UBR1: variants seen among roughly 807,000 people sequenced by gnomAD.
UBR1 encodes the protein ubiquitin protein ligase E3 component n-recognin 1, also known as E3 ubiquitin-protein ligase UBR1.
A neutral mutation model predicts 242.1 loss-of-function variants in UBR1; 102 were observed. That is an observed-to-expected ratio of 0.42 (90% CI 0.36 to 0.50). The LOEUF is 0.50. UBR1 is among the 20% of genes least tolerant of loss of function. The pLI, the probability that UBR1 is intolerant of heterozygous loss-of-function variation, is 0.01. For missense variants in UBR1, 1,772 were observed against 2,101.8 expected, an observed-to-expected ratio of 0.84 and a Z score of 3.07; for synonymous variants, 675 against 684.8, an observed-to-expected ratio of 0.99 and a Z score of 0.22.
intron 14 of UBR1, among the ~76,000 whole-genome samples, chr15:43,045,911 G>T (rs1349413538): frequency 6.6e-6 from 1 of 152,206 alleles, no homozygotes; most frequent in African/African-American, 2.4e-5. Context: ...AAAGTTTCAA[G>T]ATGGTTAAAG....
chr15:43,056,890 G>C (rs908485904), intron 10 of UBR1, among the ~76,000 whole-genome samples: 1 of 152,166 alleles, frequency 6.6e-6, no homozygotes, highest in Non-Finnish European at 1.5e-5. Flanking sequence ...GCCTTAAACA[G>C]AATGGATGCT....
chr15:43,071,634 TA>T lies in UBR1; in HGVS notation c.529-710del, dbSNP rs1236466508. 2.6e-5 allele frequency among the ~76,000 whole-genome samples: 4 copies of T among 151,062 alleles called. No homozygotes were observed. In the East Asian group the frequency reaches 5.8e-4, roughly 22 times the overall value. ...TAAATTAATGTCATATGCTTAACCA[TA>T]AAAAAAAAGATAAGGAACCCATCTA... On this transcript the variant is annotated intron_variant, in intron 4 of 46. Transcript: ENST00000290650.
chr15:42,996,611 C>A (rs2032643820), intron 33 of UBR1, among the ~76,000 whole-genome samples: 1 of 151,946 alleles, frequency 6.6e-6, no homozygotes, highest in African/African-American at 2.4e-5. Context: ...ACAAACCCCC[C>A]CAACAAAACA....
intron 33 of UBR1, among the ~76,000 whole-genome samples, chr15:42,991,703 A>T (rs971869049): frequency 6.6e-6 from 1 of 151,782 alleles, no homozygotes; most frequent in African/African-American, 2.4e-5. Context: ...CACTGACCTA[A>T]TTTCACATTC....
intron 5 of UBR1, 51 bp downstream of exon 5, chr15:43,070,743 GC>G (rs1326471113): frequency 3.7e-6 from 6 of 1,606,230 alleles, no homozygotes; most frequent in Non-Finnish European, 5.1e-6. Flanking sequence ...CACACATTTT[GC>G]AATACAAATA....
intron 1 of UBR1, among the ~76,000 whole-genome samples, chr15:43,105,379 T>C (rs2034284088): frequency 6.6e-6 from 1 of 152,188 alleles, no homozygotes; most frequent in Non-Finnish European, 1.5e-5. Flanking sequence ...CTTGAAATGT[T>C]TGGGAGTCCT....
intron 29 of UBR1, among the ~76,000 whole-genome samples, chr15:43,013,817 G>C (rs1314539286): frequency 6.6e-6 from 1 of 152,184 alleles, no homozygotes; most frequent in African/African-American, 2.4e-5. Flanking sequence ...AAAATTTAAA[G>C]TGACTATTTA....
chr15:43,064,565 C>G lies in UBR1; in HGVS notation c.798+3333G>C, dbSNP rs143337519. Among the ~76,000 whole-genome samples, 688 of 151,642 alleles carry G rather than the reference C, an allele frequency of 4.5e-3. 7 individuals carry two copies. The highest frequency in any genetic ancestry group is 0.016 in the African/African-American group (661 of 41,416). On this transcript the variant is annotated intron_variant, in intron 6 of 46. Coordinates refer to ENST00000290650, the MANE Select transcript of UBR1 (RefSeq NM_174916.3). ...CAATTTCACTTGTTTTTCACTATTTCCTATCTTACATCTTTTTTTTTTTTT... is the reference window on the plus strand; with the variant it reads ...CAATTTCACTTGTTTTTCACTATTTGCTATCTTACATCTTTTTTTTTTTTT...
chr15:43,050,461 G>A (rs1434746459), intron 12 of UBR1, among the ~76,000 whole-genome samples: 1 of 152,180 alleles, frequency 6.6e-6, no homozygotes, highest in African/African-American at 2.4e-5. Flanking sequence ...TGTAATCCCA[G>A]CACTTTAAGA....
At chr15:43,076,929 C>A (rs1444484450) in intron 3 of UBR1, among the ~76,000 whole-genome samples, 1 of 104,422 alleles carries the variant, frequency 9.6e-6, no homozygotes, top group East Asian at 3.1e-4. Context: ...CCCGGCCAGC[C>A]GCCCTATCCA....
chr15:43,032,543 T>G (rs369780691), intron 20 of UBR1, 25 bp downstream of exon 20: 4 of 1,487,526 alleles, frequency 2.7e-6, no homozygotes, highest in East Asian at 4.6e-5. Context: ...ATGTTCTATT[T>G]CAAAACATTG....
chr15:43,033,193 T>C (rs1279583593), intron 19 of UBR1, among the ~76,000 whole-genome samples: 1 of 151,994 alleles, frequency 6.6e-6, no homozygotes, highest in Non-Finnish European at 1.5e-5. Context: ...ATCCCAGAGT[T>C]CTTTAATTCT....
chr15:42,946,283 C>G (rs1046374716), intron 46 of UBR1, among the ~76,000 whole-genome samples: 5 of 152,100 alleles, frequency 3.3e-5, no homozygotes, highest in African/African-American at 1.2e-4. Flanking sequence ...CGCCACGATA[C>G]CTGGCTAATT....
intron 44 of UBR1, among the ~76,000 whole-genome samples, chr15:42,956,127 T>G (rs2031916245): frequency 6.6e-6 from 1 of 152,176 alleles, no homozygotes; most frequent in Non-Finnish European, 1.5e-5. Context: ...AGCTTGAACC[T>G]GAGTCACGAT....
chr15:43,072,447 G>A (rs774984566), intron 4 of UBR1, among the ~76,000 whole-genome samples: 1 of 152,194 alleles, frequency 6.6e-6, no homozygotes. Flanking sequence ...ACAGACTGGT[G>A]TCTACAAAAT....
At chr15:42,974,038 G>A (rs2032249694) in intron 39 of UBR1, among the ~76,000 whole-genome samples, 3 of 151,622 alleles carry the variant, frequency 2.0e-5, no homozygotes, top group Admixed American at 6.6e-5. Context: ...ACAGGCACCC[G>A]CCACCACGCC....
rs2032743320 is a variant in UBR1 at position 43,002,629 on chromosome 15, A to AAG, written c.3584_3585insCT (p.Leu1196PhefsTer13). 1 of 1,614,078 alleles carries AAG rather than the reference A, an allele frequency of 6.2e-7. No homozygotes were observed. The highest frequency in any genetic ancestry group is 1.3e-5 in the African/African-American group (1 of 74,912). ...ACAGAGATTTGCAAAGAGGGCAAAG[A>AAG]TATTCTCCACTTTCCAAGTCAAAAA... On this transcript the variant is annotated frameshift_variant, in exon 32 of 47. Coordinates refer to ENST00000290650, the MANE Select transcript of UBR1 (RefSeq NM_174916.3). LOFTEE classifies it high-confidence loss of function.
rs985923410 is a variant in UBR1 at position 43,033,660 on chromosome 15, GA to G, written c.2191-1030del. 9.3e-5 allele frequency among the ~76,000 whole-genome samples: 14 copies of G among 150,260 alleles called. 1 individual carries two copies. Among genetic ancestry groups the G allele is most frequent in the Middle Eastern group, 3.4e-3 (1 of 294 alleles). On this transcript the variant is annotated intron_variant, in intron 19 of 46. Transcript: ENST00000290650. ...CAGAGCGAGACTTCGTCTCAAAAAG[GA>G]AAAAAAAATTTATATATTTATTTAT...
chr15:43,040,688 C>CT (rs2033406392), intron 15 of UBR1, among the ~76,000 whole-genome samples: 1 of 152,154 alleles, frequency 6.6e-6, no homozygotes, highest in African/African-American at 2.4e-5. Context: ...TTTTTGCAAT[C>CT]TACTCATCTG....
Sources: gnomAD v4.1 joint callset for allele counts (sites outside exome capture counted in the v4.1 genomes callset) on GRCh38, gnomAD v4.1.1 for gene constraint, MANE v1.5 for transcripts, NCBI Gene and HGNC (gene_info 2026-07-23, HGNC 2026-07-21) for gene names.